Variants in ANO10 observed in about 807,000 individuals in gnomAD.
ANO10 encodes anoctamin 10.
ANO10 carries 77 observed loss-of-function variants against 74.7 expected under a neutral mutation model. The observed-to-expected ratio is 1.03, with a 90% CI of 0.86 to 1.25. The LOEUF (loss-of-function observed/expected upper bound fraction) is 1.25. ANO10 is among the 50% of genes most tolerant of loss of function. ANO10 has a pLI of 0.00. For synonymous variants in ANO10, 279 were observed against 284.9 expected (o/e 0.98, Z 0.21); for missense variants, 721 against 778.1 (o/e 0.93, Z 0.87).
In ANO10 at chr3:43,577,156, T is replaced by C; in HGVS notation, c.698A>G (p.Tyr233Cys). 1 of 1,613,972 alleles carries C rather than the reference T, an allele frequency of 6.2e-7. No homozygotes were observed. The highest frequency in any genetic ancestry group is 8.5e-7 in the Non-Finnish European group (1 of 1,179,992). Residue 233 changes from tyrosine to cysteine, a missense_variant, in exon 6 of 13, where the codon TAC (tyrosine) becomes TGC (cysteine). Tyr to Cys is a radical substitution (Grantham distance 194, BLOSUM62 -2). Coordinates refer to ENST00000292246, the MANE Select transcript of ANO10 (RefSeq NM_018075.5). ...IPMAVIGLPY[Y>C]LFVWEDYDKY... ...GTCATAGTCTTCCCACACAAACAAG[T>C]AGTAAGGTAACCCAATGACAGCCAT...
intron 1 of ANO10, among the ~76,000 whole-genome samples, chr3:43,641,490 A>G (rs1435303248): frequency 1.3e-5 from 2 of 152,212 alleles, no homozygotes; most frequent in African/African-American, 4.8e-5. Flanking sequence ...TCCCAAGCAA[A>G]GGCCTTTGTG....
chr3:43,468,566 T>C (rs2075722439), intron 11 of ANO10, among the ~76,000 whole-genome samples: 1 of 152,180 alleles, frequency 6.6e-6, no homozygotes, highest in Non-Finnish European at 1.5e-5. Context: ...AATCAAGCTT[T>C]ACAAAGTTCC....
rs752333674 is a variant in ANO10, at chr3:43,432,614, C to A, written c.1911G>T (p.Gln637His). ...TTTTCAGGACAGCTGCTCTCACCTGCTGCTTGAGTGCCTCCAAAGACTCAA... is the reference window on the plus strand; with the variant it reads ...TTTTCAGGACAGCTGCTCTCACCTGATGCTTGAGTGCCTCCAAAGACTCAA... ...LEFESLEALKQQQMKLVTENL... is the reference protein window; with the variant it reads ...LEFESLEALKHQQMKLVTENL... Residue 637 changes from glutamine (Q) to histidine (H), a missense_variant, in exon 12 of 13, where the codon CAG (glutamine) becomes CAT (histidine). Coordinates refer to ENST00000292246, the MANE Select transcript of ANO10 (RefSeq NM_018075.5). The A allele has an allele frequency of 5.6e-6, 9 of 1,606,920 alleles. No individual in the cohort carries two copies. Among genetic ancestry groups the A allele is most frequent in the Non-Finnish European group, 7.7e-6 (9 of 1,173,490 alleles).
chr3:43,690,810 A>C, intron 1 of ANO10: 1 of 487,296 alleles, frequency 2.1e-6, no homozygotes, highest in Non-Finnish European at 3.4e-6. Context: ...GGGATGGCGG[A>C]CGCAAAGCCG....
At chr3:43,496,867 C>T (rs974612420) in intron 11 of ANO10, among the ~76,000 whole-genome samples, 4 of 152,134 alleles carry the variant, frequency 2.6e-5, no homozygotes, top group African/African-American at 9.7e-5. Flanking sequence ...TCCCTTTCTC[C>T]TTCCTGGTTC....
intron 9 of ANO10, among the ~76,000 whole-genome samples, chr3:43,557,220 C>T (rs1273595877): frequency 6.6e-6 from 1 of 151,884 alleles, no homozygotes; most frequent in Non-Finnish European, 1.5e-5. Context: ...AAGGTGACCC[C>T]ACAAAATGGG....
At chr3:43,656,330 G>A (rs1340613419) in intron 1 of ANO10, among the ~76,000 whole-genome samples, 3 of 152,174 alleles carry the variant, frequency 2.0e-5, no homozygotes, top group Non-Finnish European at 4.4e-5. Flanking sequence ...GGTTCTCCAC[G>A]TCCCCACCAG....
At chr3:43,476,813 G>A (rs1280231769) in intron 11 of ANO10, among the ~76,000 whole-genome samples, 4 of 152,048 alleles carry the variant, frequency 2.6e-5, no homozygotes, top group African/African-American at 9.7e-5. Flanking sequence ...GACTATCCCC[G>A]AATTCATGCA....
intron 11 of ANO10, among the ~76,000 whole-genome samples, chr3:43,508,494 T>G (rs1051174970): frequency 3.3e-5 from 5 of 152,154 alleles, no homozygotes; most frequent in Admixed American, 2.6e-4. Flanking sequence ...CACATGCACA[T>G]GTATGTTTAC....
At chr3:43,396,933 GTT>G (rs112552941) in intron 12 of ANO10, among the ~76,000 whole-genome samples, 2 of 144,546 alleles carry the variant, frequency 1.4e-5, no homozygotes, top group Non-Finnish European at 3.1e-5. Context: ...AGGCATTGTA[GTT>G]TTTTTTTTTT....
chr3:43,419,865 C>G (rs2092794537), intron 12 of ANO10, among the ~76,000 whole-genome samples: 1 of 152,070 alleles, frequency 6.6e-6, no homozygotes, highest in Non-Finnish European at 1.5e-5. Context: ...CATATGGGTT[C>G]ACTATATTAC....
intron 4 of ANO10, among the ~76,000 whole-genome samples, chr3:43,598,195 T>C (rs763704709): frequency 6.6e-6 from 1 of 152,214 alleles, no homozygotes; most frequent in Non-Finnish European, 1.5e-5. Flanking sequence ...GAAAACACCA[T>C]GTCTTCCCTT....
chr3:43,457,455 G>C (rs774549334), intron 11 of ANO10, among the ~76,000 whole-genome samples: 1 of 152,196 alleles, frequency 6.6e-6, no homozygotes, highest in Non-Finnish European at 1.5e-5. Context: ...CAGCAGGAGA[G>C]AGAAGGGAGC....
intron 12 of ANO10, among the ~76,000 whole-genome samples, chr3:43,406,671 C>T (rs2092582186): frequency 6.6e-6 from 1 of 152,154 alleles, no homozygotes; most frequent in African/African-American, 2.4e-5. Context: ...CCCTAGTTAC[C>T]CACAAAGCTG....
intron 3 of ANO10, among the ~76,000 whole-genome samples, chr3:43,599,410 C>T (rs1161843634): frequency 1.3e-5 from 2 of 152,116 alleles, no homozygotes. Flanking sequence ...GAACCAACGA[C>T]CCTATCACAT....
At chr3:43,485,096 T>A in intron 11 of ANO10, 1 of 1,081,998 alleles carries the variant, frequency 9.2e-7, no homozygotes. Context: ...CCGGCGGCAC[T>A]TGCTGGCTGC....
intron 11 of ANO10, among the ~76,000 whole-genome samples, chr3:43,510,228 G>C (rs751508581): frequency 2.6e-4 from 39 of 152,064 alleles, no homozygotes; most frequent in Admixed American, 3.9e-4. Flanking sequence ...TCAGGAGTTT[G>C]AGACCAGCCT....
At chr3:43,506,938 A>G (rs1290469396) in intron 11 of ANO10, among the ~76,000 whole-genome samples, 4 of 152,178 alleles carry the variant, frequency 2.6e-5, no homozygotes, top group Non-Finnish European at 5.9e-5. Flanking sequence ...CCCCTAAAAT[A>G]CACTCCACGA....
rs368417985 is a variant in ANO10, at chr3:43,567,082, G to A, written c.1219-1355C>T. On this transcript the variant is annotated intron_variant, in intron 7 of 12. Coordinates refer to ENST00000292246, the MANE Select transcript of ANO10 (RefSeq NM_018075.5). Reference sequence around the variant, plus strand: ...GCAATCAACTGGAAGAAAGGGTATCGGCAATGGAAGATGAAATGAATGAAA... The same window carrying A: ...GCAATCAACTGGAAGAAAGGGTATCAGCAATGGAAGATGAAATGAATGAAA... Among the ~76,000 whole-genome samples the A allele has an allele frequency of 2.8e-3, 420 of 152,188 alleles. 3 individuals are homozygous for A. The highest frequency in any genetic ancestry group is 5.6e-3 in the Admixed American group (85 of 15,284).
Sources: gnomAD v4.1 joint callset for allele counts (sites outside exome capture counted in the v4.1 genomes callset) on GRCh38, gnomAD v4.1.1 for gene constraint, MANE v1.5 for transcripts, NCBI Gene and HGNC (gene_info 2026-07-23, HGNC 2026-07-21) for gene names.